The following RPS5 variants were observed in gnomAD, a reference collection of about 807,000 sequenced individuals.
The protein encoded by RPS5 is ribosomal protein S5, also known as small ribosomal subunit protein uS7.
Under a neutral mutation model 20.9 loss-of-function variants are expected in RPS5, and 2 were observed. The ratio of observed to expected loss-of-function variants is 0.10; its 90% CI spans 0.04 to 0.30. The LOEUF is 0.30. Among genes scored for constraint, RPS5 ranks in the 10% least tolerant of loss-of-function variants. The probability of loss-of-function intolerance (pLI) is 1.00; values close to 1 mark genes in which losing one functional copy is unlikely to be tolerated. For synonymous variants in RPS5, 112 were observed against 105.8 expected (o/e 1.06, Z -0.36); for missense variants, 122 against 287.2 (o/e 0.42, Z 4.16).
At position 58,393,026 on chromosome 19, in the gene RPS5, A is replaced by C. The variant is rs113669389; in HGVS notation, c.159A>C (p.Ala53=). The change falls in exon 3 of 6, where the codon GCA becomes GCC. Residue 53 remains alanine, a synonymous_variant. Transcript: ENST00000196551. The stretch of plus-strand genomic sequence containing the variant: ...ATGCCAAGTACCTGCCTCACAGTGC[A>C]GGGCGGTATGCCGCCAAACGCTTCC... ...EKYAKYLPHS[A]GRYAAKRFRK... is the part of the protein sequence containing the mutation. 2 of 1,614,078 alleles carry C rather than the reference A, an allele frequency of 1.2e-6. No individual in the cohort carries two copies. Among genetic ancestry groups the C allele is most frequent in the Admixed American group, 1.7e-5 (1 of 60,020 alleles).
At chr19:58,388,327 C>A in intron 2 of RPS5, 82 bp downstream of exon 2, 2 of 952,888 alleles carry the variant, frequency 2.1e-6, no homozygotes, top group Non-Finnish European at 1.7e-6. Context: ...TGTTGCTGTG[C>A]CATTAAGTCA....
At chr19:58,388,041 C>A in intron 1 of RPS5, 96 bp from the exon 2 acceptor site, 3 of 790,574 alleles carry the variant, frequency 3.8e-6, no homozygotes, top group Non-Finnish European at 4.3e-6. Context: ...CAGTTCATCA[C>A]TAGATGGCGG....
chr19:58,391,777 T>G (rs2052365435), intron 2 of RPS5, among the ~76,000 whole-genome samples: 1 of 150,716 alleles, frequency 6.6e-6, no homozygotes, highest in African/African-American at 2.4e-5. Flanking sequence ...AATACAAAAA[T>G]TAGCCTGGCA....
At chr19:58,388,573 A>G (rs1599932541) in intron 2 of RPS5, 3 of 417,202 alleles carry the variant, frequency 7.2e-6, no homozygotes, top group East Asian at 3.6e-5. Flanking sequence ...CATCTCCTAA[A>G]GAGATGTTTT....
chr19:58,393,343 T>TC lies in RPS5; in HGVS notation c.319-11dup. On this transcript the variant is annotated splice_polypyrimidine_tract_variant and intron_variant, in intron 3 of 5. Coordinates refer to ENST00000196551, the MANE Select transcript of RPS5 (RefSeq NM_001009.4). ...CATGGGGCTGGATGTCAGGCTCATA[T>TC]CCCCCTTCTCTCTAGAACCCTCTGC... is the stretch of plus-strand genomic sequence containing the variant. 1 of 1,612,902 alleles carries TC rather than the reference T, an allele frequency of 6.2e-7. No individual in the cohort carries two copies.
In RPS5 at chr19:58,393,472, G is replaced by T; in HGVS notation, c.432G>T (p.Leu144=). 1 of 1,612,030 alleles carries T rather than the reference G, an allele frequency of 6.2e-7. No individual in the cohort carries two copies. Among genetic ancestry groups the T allele is most frequent in the East Asian group, 2.2e-5 (1 of 44,884 alleles). ...GACAGGCTGTGGATGTGTCCCCCCT[G>T]CGCCGTGTGAACCAGGTGAGCCTGG... is the stretch of plus-strand genomic sequence containing the variant. ...VRRQAVDVSP[L]RRVNQAIWLL... The change falls in exon 4 of 6, where the codon CTG becomes CTT. Residue 144 remains leucine, a synonymous_variant. Transcript: ENST00000196551.
intron 3 of RPS5, 26 bp downstream of exon 3, chr19:58,393,211 C>T (rs1239159742): frequency 6.2e-7 from 1 of 1,613,784 alleles, no homozygotes; most frequent in South Asian, 1.1e-5. Flanking sequence ...CTGGTGAGGG[C>T]AGGCTGTGCC....
In RPS5 at chr19:58,392,918, C is replaced by T. The variant is rs557791855; in HGVS notation, c.109-58C>T. 1.7e-5 allele frequency: 26 copies of T among 1,540,686 alleles called. No homozygotes were observed. In the East Asian group the frequency reaches 5.5e-4, roughly 33 times the overall value. On this transcript the variant is annotated intron_variant, in intron 2 of 5. Coordinates refer to ENST00000196551, the MANE Select transcript of RPS5 (RefSeq NM_001009.4). The stretch of plus-strand genomic sequence containing the variant: ...CTTGATCTCTCCTCTGGTGTCTGGC[C>T]AACGCCCATGCTGCTCCTGACCATT...
chr19:58,392,188 G>A (rs1599934319), intron 2 of RPS5, among the ~76,000 whole-genome samples: 1 of 152,040 alleles, frequency 6.6e-6, no homozygotes, highest in Non-Finnish European at 1.5e-5. Context: ...GCTGGGCTTG[G>A]TGGCGCGTGC....
At chr19:58,389,089 CT>C (rs905226606) in intron 2 of RPS5, among the ~76,000 whole-genome samples, 1 of 152,076 alleles carries the variant, frequency 6.6e-6, no homozygotes, top group Non-Finnish European at 1.5e-5. Context: ...TACACATACC[CT>C]TTTTTTCCCC....
chr19:58,388,339 G>T lies in RPS5; in HGVS notation c.108+94G>T. The T allele has an allele frequency of 3.5e-6, 3 of 846,082 alleles. No homozygotes were observed. In the Admixed American group the frequency reaches 6.1e-5, roughly 17 times the overall value. 52.4% of individuals were successfully genotyped at this position (846,082 alleles called of 1,614,324 possible). A position where few individuals can be genotyped will look rare whatever the true frequency, so the allele number is the denominator to read the frequency against. Reference sequence around the variant, plus strand: ...ACTTGTTGCTGTGCCATTAAGTCAAGAATAGAGATCATAACAGGTAAAGAA... The same window carrying T: ...ACTTGTTGCTGTGCCATTAAGTCAATAATAGAGATCATAACAGGTAAAGAA... On this transcript the variant is annotated intron_variant, in intron 2 of 5. Transcript: ENST00000196551.
At chr19:58,389,404 T>A (rs1164252501) in intron 2 of RPS5, among the ~76,000 whole-genome samples, 2 of 151,946 alleles carry the variant, frequency 1.3e-5, no homozygotes, top group African/African-American at 4.8e-5. Context: ...TCCAACTAGC[T>A]GGGACCAAAG....
In RPS5 at chr19:58,393,139, G is replaced by A; in HGVS notation, c.272G>A (p.Arg91His). The change falls in exon 3 of 6, where the codon CGC becomes CAC. Residue 91 changes from arginine (R) to histidine (H), a missense_variant. By Grantham distance (29) the Arg-to-His change is conservative. Transcript: ENST00000196551. ...RNNGKKLMTV[R>H]IVKHAFEIIH... Reference sequence around the variant, plus strand: ...AACGGCAAGAAGCTCATGACTGTGCGCATCGTCAAGCATGCCTTCGAGATC... The same window carrying A: ...AACGGCAAGAAGCTCATGACTGTGCACATCGTCAAGCATGCCTTCGAGATC... 1 of 1,614,120 alleles carries A rather than the reference G, an allele frequency of 6.2e-7. No individual in the cohort carries two copies. The highest frequency in any genetic ancestry group is 1.6e-4 in the Middle Eastern group (1 of 6,062).
Position 58,393,169 on chromosome 19 carries a change from A to G in RPS5, c.302A>G (p.His101Arg). The G allele has an allele frequency of 6.2e-7, 1 of 1,614,104 alleles. No individual in the cohort carries two copies. Among genetic ancestry groups the G allele is most frequent in the Non-Finnish European group, 8.5e-7 (1 of 1,180,026 alleles). The change falls in exon 3 of 6, where the codon CAC (histidine) becomes CGC (arginine). Residue 101 changes from histidine (H) to arginine (R), a missense_variant. By Grantham distance (29) the His-to-Arg change is conservative. Transcript: ENST00000196551. ...RIVKHAFEII[H>R]LLTGENPLQV... ...GTCAAGCATGCCTTCGAGATCATAC[A>G]CCTGCTCACAGGCGAGGTAGGGCTC...
intron 1 of RPS5, chr19:58,387,709 G>A (rs893178): frequency 1 from 196,259 of 196,420 alleles, 98,049 homozygotes; most frequent in Middle Eastern, 1. Flanking sequence ...TGTGCCACAC[G>A]GTACCTACCG....
At chr19:58,392,707 A>T (rs894906647) in intron 2 of RPS5, among the ~76,000 whole-genome samples, 1 of 151,202 alleles carries the variant, frequency 6.6e-6, no homozygotes, top group Non-Finnish European at 1.5e-5. Context: ...CCAGACAATT[A>T]TCTGGTCCAA....
At chr19:58,388,025 AC>A in intron 1 of RPS5, 111 bp from the exon 2 acceptor site, 2 of 684,176 alleles carry the variant, frequency 2.9e-6, no homozygotes, top group Admixed American at 2.5e-5. Context: ...GTCCTTTGCG[AC>A]CCCCCAGTTC....
At chr19:58,392,894 T>C in intron 2 of RPS5, 82 bp from the exon 3 acceptor site, 2 of 1,342,702 alleles carry the variant, frequency 1.5e-6, no homozygotes, top group Non-Finnish European at 2.1e-6. Flanking sequence ...GAATGGGTAC[T>C]TGATCTCTCC....
At chr19:58,393,753 T>TGGACATTTTGAGAATCAGTTGC in intron 4 of RPS5, 1 of 410,486 alleles carries the variant, frequency 2.4e-6, no homozygotes, top group Non-Finnish European at 4.3e-6. Flanking sequence ...TTTTTTTTCT[T>TGGACATTTTGAGAATCAGTTGC]GGACATTTTG....
Sources: gnomAD v4.1 joint callset for allele counts (sites outside exome capture counted in the v4.1 genomes callset) on GRCh38, gnomAD v4.1.1 for gene constraint, MANE v1.5 for transcripts, NCBI Gene and HGNC (gene_info 2026-07-23, HGNC 2026-07-21) for gene names.